CCDC178: variants seen among roughly 807,000 people sequenced by gnomAD.
CCDC178 encodes coiled-coil domain containing 178.
Under a neutral mutation model 117.4 loss-of-function variants are expected in CCDC178, and 126 were observed. The ratio of observed to expected loss-of-function variants is 1.07; its 90% confidence interval spans 0.93 to 1.24. The LOEUF (loss-of-function observed/expected upper bound fraction) is 1.24, where lower values mean the gene tolerates loss of function less well. CCDC178 is among the 50% of genes most tolerant of loss of function. The pLI, the probability that CCDC178 is intolerant of heterozygous loss-of-function variation, is 0.00. For missense variants in CCDC178, 1,030 were observed against 986.9 expected (o/e 1.04, Z -0.59); for synonymous variants, 283 against 313.4 (o/e 0.90, Z 1.02).
chr18:33,257,142 A>T (rs2059690567), intron 14 of CCDC178, among the ~76,000 whole-genome samples: 1 of 152,052 alleles, frequency 6.6e-6, no homozygotes, highest in Admixed American at 6.6e-5. Context: ...TCTAGGGTTT[A>T]TTCCTCCAGT....
At chr18:33,156,135 G>T (rs1031500813) in intron 20 of CCDC178, among the ~76,000 whole-genome samples, 16 of 147,124 alleles carry the variant, frequency 1.1e-4, no homozygotes, top group African/African-American at 4.0e-4. Context: ...GTCGCCCAGG[G>T]TGGAGTGCAA....
At chr18:33,285,918 C>G in intron 12 of CCDC178, among the ~76,000 whole-genome samples, 1 of 150,072 alleles carries the variant, frequency 6.7e-6, no homozygotes, top group Non-Finnish European at 1.5e-5. Flanking sequence ...ATATGCCACA[C>G]AAAATACACA....
chr18:33,040,612 G>A (rs2056530516), intron 21 of CCDC178, among the ~76,000 whole-genome samples: 1 of 151,816 alleles, frequency 6.6e-6, no homozygotes, highest in Non-Finnish European at 1.5e-5. Flanking sequence ...TAATTTTCTG[G>A]GCTAAAACTC....
intron 21 of CCDC178, among the ~76,000 whole-genome samples, chr18:33,020,053 C>T (rs559509784): frequency 2.0e-5 from 3 of 150,936 alleles, no homozygotes; most frequent in Admixed American, 1.3e-4. Context: ...TCAAGTGATT[C>T]TCCTGTCTCA....
chr18:33,209,422 T>A (rs2059082087), intron 20 of CCDC178, among the ~76,000 whole-genome samples: 1 of 152,014 alleles, frequency 6.6e-6, no homozygotes, highest in South Asian at 2.1e-4. Flanking sequence ...TATTAAACCA[T>A]CCCTACAGAT....
Position 33,293,230 on chromosome 18 carries a change from C to A in CCDC178, c.1105G>T (p.Glu369Ter). The change falls in exon 12 of 23, where the codon GAA becomes TAA. Residue 369 changes from glutamate to a stop codon, truncating the protein, a stop_gained. Coordinates refer to ENST00000383096, the MANE Select transcript of CCDC178 (RefSeq NM_001105528.4). LOFTEE classifies it high-confidence loss of function. The part of the protein sequence containing the change: ...INVNTNIEEK[E>*]EEVTEAIRET... ...CTTATTGCTTCAGTCACTTCCTCTT[C>A]CTTCTCCTCAATATTAGTATTAACA... The A allele has an allele frequency of 3.8e-6, 6 of 1,583,724 alleles. No individual in the cohort carries two copies. Among genetic ancestry groups the A allele is most frequent in the Non-Finnish European group, 5.2e-6 (6 of 1,154,554 alleles).
chr18:33,091,321 A>ATTT (rs1415932731), intron 21 of CCDC178, among the ~76,000 whole-genome samples: 5 of 18,360 alleles, frequency 2.7e-4, no homozygotes, highest in African/African-American at 4.2e-4. Flanking sequence ...CACTTATTTC[A>ATTT]TTCTTTTTTT....
intron 20 of CCDC178, among the ~76,000 whole-genome samples, chr18:33,104,862 C>T (rs1454184356): frequency 6.6e-6 from 1 of 151,644 alleles, no homozygotes; most frequent in Non-Finnish European, 1.5e-5. Context: ...TTTTATAGTT[C>T]TATATAAATA....
intron 21 of CCDC178, among the ~76,000 whole-genome samples, chr18:33,049,311 A>C (rs1270449385): frequency 6.6e-6 from 1 of 152,144 alleles, no homozygotes; most frequent in Admixed American, 6.6e-5. Flanking sequence ...CCTATAACTC[A>C]AGGATAAGTT....
intron 9 of CCDC178, among the ~76,000 whole-genome samples, chr18:33,339,223 C>G (rs1481096325): frequency 6.6e-6 from 1 of 151,534 alleles, no homozygotes; most frequent in Non-Finnish European, 1.5e-5. Flanking sequence ...ATTCCCAAAG[C>G]AAATAAGATA....
intron 20 of CCDC178, among the ~76,000 whole-genome samples, chr18:33,200,624 T>G (rs1007006854): frequency 3.9e-5 from 6 of 152,324 alleles, no homozygotes; most frequent in Middle Eastern, 3.4e-3. Context: ...TCTTTCCTCC[T>G]AATGTTTTCA....
chr18:33,397,616 C>T (rs964896788), intron 3 of CCDC178, among the ~76,000 whole-genome samples: 24 of 152,028 alleles, frequency 1.6e-4, no homozygotes, highest in Admixed American at 1.4e-3. Flanking sequence ...TATGACATAG[C>T]CCAGTTTATT....
chr18:33,165,190 C>G (rs1163540394), intron 20 of CCDC178, among the ~76,000 whole-genome samples: 1 of 151,742 alleles, frequency 6.6e-6, no homozygotes, highest in African/African-American at 2.4e-5. Context: ...AAAACAAAAA[C>G]AAAGACAAAA....
intron 10 of CCDC178, among the ~76,000 whole-genome samples, chr18:33,325,557 A>G (rs1215899928): frequency 6.6e-6 from 1 of 152,024 alleles, no homozygotes; most frequent in African/African-American, 2.4e-5. Context: ...TCTTCTTTGG[A>G]CTAAATATTT....
chr18:33,264,520 G>C (rs1330687585), intron 14 of CCDC178, among the ~76,000 whole-genome samples: 2 of 151,778 alleles, frequency 1.3e-5, no homozygotes, highest in Non-Finnish European at 2.9e-5. Flanking sequence ...TTTAATTCCT[G>C]GTAAAAATTG....
chr18:32,938,678 A>G (rs2054172489), intron 22 of CCDC178, among the ~76,000 whole-genome samples: 1 of 152,146 alleles, frequency 6.6e-6, no homozygotes, highest in African/African-American at 2.4e-5. Context: ...AATGTGTATA[A>G]TATATATTTA....
At chr18:33,270,382 A>G (rs1455903991) in intron 12 of CCDC178, among the ~76,000 whole-genome samples, 1 of 151,556 alleles carries the variant, frequency 6.6e-6, no homozygotes, top group Non-Finnish European at 1.5e-5. Flanking sequence ...TAATTTACAC[A>G]TTGAGGAAGC....
intron 9 of CCDC178, among the ~76,000 whole-genome samples, chr18:33,341,588 C>T (rs2062817702): frequency 6.6e-6 from 1 of 152,176 alleles, no homozygotes; most frequent in South Asian, 2.1e-4. Flanking sequence ...AATTTAATCA[C>T]ATGGTCCAGT....
chr18:33,104,422 T>C (rs895307396), intron 20 of CCDC178, among the ~76,000 whole-genome samples: 2 of 151,742 alleles, frequency 1.3e-5, no homozygotes, highest in Non-Finnish European at 2.9e-5. Context: ...CTCATCTATG[T>C]TTTTCTTCAA....
Sources: allele counts gnomAD v4.1 joint callset (sites outside exome capture counted in the v4.1 genomes callset), GRCh38; gene constraint gnomAD v4.1.1; transcripts MANE v1.5; gene names NCBI Gene and HGNC (gene_info 2026-07-23, HGNC 2026-07-21).